GOLGA1: variants seen among roughly 807,000 people sequenced by gnomAD.
GOLGA1 encodes the protein golgin subfamily A member 1.
A neutral mutation model predicts 119.7 loss-of-function variants in GOLGA1; 63 were observed. The observed-to-expected ratio is 0.53, with a 90% confidence interval of 0.43 to 0.65. The LOEUF (loss-of-function observed/expected upper bound fraction) is 0.65, where lower values mean the gene tolerates loss of function less well. Ranked by LOEUF, GOLGA1 falls within the 30% of genes least tolerant of loss-of-function variation. The pLI is 0.00. For missense variants in GOLGA1, 798 were observed against 912.8 expected, an observed-to-expected ratio of 0.87 and a Z score of 1.62; for synonymous variants, 318 against 333.4, an observed-to-expected ratio of 0.95 and a Z score of 0.50.
chr9:124,931,167 AAAG>A (rs1226400270), intron 4 of GOLGA1, 146 bp downstream of exon 4: 1 of 540,936 alleles, frequency 1.8e-6, no homozygotes, highest in South Asian at 2.3e-5. Flanking sequence ...TACACTAACA[AAAG>A]AAGAGGGTAT....
rs1830577044 is a variant in GOLGA1, at chr9:124,921,863, T to G, written c.591A>C (p.Lys197Asn). The G allele has an allele frequency of 6.2e-7, 1 of 1,613,750 alleles. No homozygotes were observed. The highest frequency in any genetic ancestry group is 1.3e-5 in the African/African-American group (1 of 74,894). The change falls in exon 9 of 23, where the codon AAA (lysine) becomes AAC (asparagine). Residue 197 changes from lysine to asparagine, a missense_variant. Coordinates refer to ENST00000373555, the MANE Select transcript of GOLGA1 (RefSeq NM_002077.4). ...TTCGTGCCTCCAATTCTTGTTCCAT[T>G]TTCCCTAGACTTTCTTCTTTTTTTA... ...MLLKKEESLGKMEQELEARTR... is the reference protein window; with the variant it reads ...MLLKKEESLGNMEQELEARTR...
intron 6 of GOLGA1, among the ~76,000 whole-genome samples, chr9:124,927,395 A>C (rs1830695129): frequency 2.0e-5 from 3 of 152,144 alleles, no homozygotes; most frequent in Non-Finnish European, 4.4e-5. Context: ...CATTCATACC[A>C]CAGTTATCCA....
Position 124,886,650 on chromosome 9 carries a change from G to A in GOLGA1, c.1905+1603C>T, listed in dbSNP as rs550229228. 2.6e-5 allele frequency among the ~76,000 whole-genome samples: 4 copies of A among 152,196 alleles called. No homozygotes were observed. The South Asian group carries it at 8.3e-4, about 32-fold the overall frequency. On this transcript the variant is annotated intron_variant, in intron 19 of 22. Coordinates refer to ENST00000373555, the MANE Select transcript of GOLGA1 (RefSeq NM_002077.4). ...GGCTTTCATAAGGTGCCTGCACAAC[G>A]GCGCACCTCTCAGTAGATGGGACGA...
intron 19 of GOLGA1, among the ~76,000 whole-genome samples, chr9:124,885,308 C>A (rs1390064400): frequency 1.5e-5 from 2 of 132,216 alleles, no homozygotes; most frequent in Non-Finnish European, 3.3e-5. Flanking sequence ...AGCCTGGCGA[C>A]AGAGACTCCA....
At position 124,889,318 on chromosome 9, in the gene GOLGA1, AGGGGAGGG is replaced by A; in HGVS notation, c.1601-23_1601-16del. 1 of 1,611,742 alleles carries A rather than the reference AGGGGAGGG, an allele frequency of 6.2e-7. No homozygotes were observed. The highest frequency in any genetic ancestry group is 1.1e-5 in the South Asian group (1 of 90,918). ...AGAGTTGTGACCTAGGTCGGGGAGG[AGGGGAGGG>A]GGCACTGTGAGCCCAGTGACTCCAT... On this transcript the variant is annotated splice_polypyrimidine_tract_variant and intron_variant, in intron 17 of 22. Coordinates refer to ENST00000373555, the MANE Select transcript of GOLGA1 (RefSeq NM_002077.4).
chr9:124,896,501 T>C (rs1215564045), intron 15 of GOLGA1, among the ~76,000 whole-genome samples: 1 of 152,220 alleles, frequency 6.6e-6, no homozygotes, highest in Admixed American at 6.5e-5. Context: ...ACCACTAATG[T>C]GCTAGTCACT....
chr9:124,929,120 G>T (rs1830724739), intron 5 of GOLGA1, 96 bp downstream of exon 5: 2 of 731,006 alleles, frequency 2.7e-6, no homozygotes, highest in Non-Finnish European at 2.5e-6. Flanking sequence ...ATAAAGATTT[G>T]TGCTTTGAAG....
chr9:124,888,486 C>T lies in GOLGA1; in HGVS notation c.1762-90G>A. On this transcript the variant is annotated intron_variant, in intron 18 of 22. Coordinates refer to ENST00000373555, the MANE Select transcript of GOLGA1 (RefSeq NM_002077.4). This position sits in a 1 kb window ranked among gnomAD's most constrained non-coding sequence, Gnocchi z 4.4. Reference sequence around the variant, plus strand: ...CAGGGAAGGGGAGCTAGACTCGTCCCTTAGGTATGGGCGTTGTGCTCCAAC... The same window carrying T: ...CAGGGAAGGGGAGCTAGACTCGTCCTTTAGGTATGGGCGTTGTGCTCCAAC... The T allele has an allele frequency of 1.7e-6, 2 of 1,198,258 alleles. No individual in the cohort carries two copies. Among genetic ancestry groups the T allele is most frequent in the South Asian group, 2.6e-5 (2 of 76,802 alleles). 74.2% of individuals were successfully genotyped at this position (1,198,258 alleles called of 1,614,324 possible). A position where few individuals can be genotyped will look rare whatever the true frequency, so the allele number is the denominator to read the frequency against.
intron 20 of GOLGA1, 111 bp downstream of exon 20, chr9:124,882,399 A>G: frequency 1.3e-6 from 1 of 757,426 alleles, no homozygotes; most frequent in Non-Finnish European, 2.2e-6. Context: ...CCTTGCAATT[A>G]ATTAGGGGGT....
intron 3 of GOLGA1, among the ~76,000 whole-genome samples, chr9:124,932,717 C>A (rs976574999): frequency 3.3e-5 from 5 of 152,278 alleles, no homozygotes; most frequent in Middle Eastern, 3.4e-3. Context: ...TTATAAACAA[C>A]AGAAATGTAT....
chr9:124,904,630 G>A (rs1830182843), intron 12 of GOLGA1, among the ~76,000 whole-genome samples: 1 of 152,014 alleles, frequency 6.6e-6, no homozygotes, highest in Non-Finnish European at 1.5e-5. Context: ...CCAACATGGT[G>A]AAACCCCGTC....
At chr9:124,936,706 T>C (rs1231734469) in intron 3 of GOLGA1, among the ~76,000 whole-genome samples, 1 of 152,194 alleles carries the variant, frequency 6.6e-6, no homozygotes, top group Admixed American at 6.5e-5. Context: ...CCGCCTTAGC[T>C]TCCCAAAGCA....
intron 3 of GOLGA1, among the ~76,000 whole-genome samples, chr9:124,933,505 C>G (rs992416783): frequency 1.3e-5 from 2 of 152,262 alleles, no homozygotes; most frequent in South Asian, 2.1e-4. Context: ...ACTGTAACCT[C>G]TGCCTCTTGG....
chr9:124,902,096 C>T (rs1474127540), intron 12 of GOLGA1, among the ~76,000 whole-genome samples: 1 of 152,132 alleles, frequency 6.6e-6, no homozygotes, highest in African/African-American at 2.4e-5. Context: ...AAGGTCTGGC[C>T]TTGGGGAGCT....
chr9:124,943,263 A>C (rs1041019965), upstream of GOLGA1: 7 of 152,330 alleles, frequency 4.6e-5, no homozygotes, highest in African/African-American at 1.7e-4. Flanking sequence ...AATTTATTCT[A>C]CTGTTAACAC....
chr9:124,934,836 C>A (rs1186667203), intron 3 of GOLGA1, among the ~76,000 whole-genome samples: 2 of 152,148 alleles, frequency 1.3e-5, no homozygotes. Context: ...CGTTTGAGCC[C>A]AGGAGTTCGA....
intron 13 of GOLGA1, 51 bp from the exon 14 acceptor site, chr9:124,899,529 G>T: frequency 1.3e-6 from 2 of 1,509,504 alleles, no homozygotes; most frequent in Non-Finnish European, 1.8e-6. Flanking sequence ...GTTTCCAGTG[G>T]GGGATCTTAG....
chr9:124,937,896 A>G (rs1424175639), intron 3 of GOLGA1, among the ~76,000 whole-genome samples: 1 of 151,926 alleles, frequency 6.6e-6, no homozygotes, highest in Non-Finnish European at 1.5e-5. Flanking sequence ...CACCCTGGGC[A>G]ACATGGTAAA....
Position 124,880,173 on chromosome 9 carries a change from C to T in GOLGA1, c.*357G>A, listed in dbSNP as rs564556627. ...GTCTCTACCTCCAGTAGCAGCGCTACATGGTGACTCAGGTGTGCCTGCCAG... is the reference window on the plus strand; with the variant it reads ...GTCTCTACCTCCAGTAGCAGCGCTATATGGTGACTCAGGTGTGCCTGCCAG... On this transcript the variant is annotated 3_prime_UTR_variant, in exon 23 of 23. Transcript: ENST00000373555. The T allele has an allele frequency of 5.0e-6, 1 of 200,074 alleles. No homozygotes were observed. Among genetic ancestry groups the T allele is most frequent in the South Asian group, 8.5e-5 (1 of 11,742 alleles). The allele number at this position is 200,074 out of a possible 1,614,324, so 12.4% of individuals were successfully genotyped here.
Sources: gnomAD v4.1 joint callset for allele counts (sites outside exome capture counted in the v4.1 genomes callset) on GRCh38, gnomAD v4.1.1 for gene constraint, Gnocchi (gnomAD v3.1) non-coding constraint, MANE v1.5 for transcripts, NCBI Gene and HGNC (gene_info 2026-07-23, HGNC 2026-07-21) for gene names.